KHDRBS2: variants seen among roughly 807,000 people sequenced by gnomAD.
KHDRBS2 encodes KH RNA binding domain containing, signal transduction associated 2, also known as KH domain-containing, RNA-binding, signal transduction-associated protein 2.
In KHDRBS2, 26 loss-of-function variants were observed where a neutral mutation model predicts 44.3. The ratio of observed to expected loss-of-function variants is 0.59; its 90% CI spans 0.43 to 0.81. KHDRBS2 has a LOEUF of 0.81. Ranked by LOEUF, KHDRBS2 falls within the 40% of genes least tolerant of loss-of-function variation. The pLI is 0.00. For missense variants in KHDRBS2, 476 were observed against 433.1 expected (o/e 1.10, Z -0.88); for synonymous variants, 194 against 151.1 (o/e 1.28, Z -2.08).
intron 2 of KHDRBS2, among the ~76,000 whole-genome samples, chr6:62,055,579 A>C (rs1245027954): frequency 6.6e-6 from 1 of 152,042 alleles, no homozygotes; most frequent in African/African-American, 2.4e-5. Flanking sequence ...TATATCATCC[A>C]GAGAAATCTT....
chr6:62,102,560 ATG>A (rs1378888743), intron 2 of KHDRBS2, among the ~76,000 whole-genome samples: 3 of 152,292 alleles, frequency 2.0e-5, no homozygotes, highest in South Asian at 2.1e-4. Flanking sequence ...GTGGCAGGAA[ATG>A]TGTGTTTCGG....
chr6:61,569,928 G>A, the KHDRBS2 span, among the ~76,000 whole-genome samples: 1 of 152,080 alleles, frequency 6.6e-6, no homozygotes, highest in African/African-American at 2.4e-5. Flanking sequence ...ATGAACAGCA[G>A]GCCTTGAGTT....
the KHDRBS2 span, among the ~76,000 whole-genome samples, chr6:61,627,860 A>C: frequency 6.6e-6 from 1 of 152,142 alleles, no homozygotes; most frequent in African/African-American, 2.4e-5. Flanking sequence ...AAGTTGTTCT[A>C]GTGAATTTTC....
chr6:62,253,084 T>C (rs1212428658), intron 1 of KHDRBS2, among the ~76,000 whole-genome samples: 2 of 152,052 alleles, frequency 1.3e-5, no homozygotes, highest in African/African-American at 2.4e-5. Context: ...AAACAGCATA[T>C]ACAACATTAT....
the KHDRBS2 span, among the ~76,000 whole-genome samples, chr6:61,545,576 C>A: frequency 2.8e-4 from 42 of 151,060 alleles, no homozygotes; most frequent in Non-Finnish European, 4.1e-4. Context: ...ACACATACAT[C>A]AATTCATGCT....
At position 62,116,889 on chromosome 6, in the gene KHDRBS2, T is replaced by C. The variant is rs115322732; in HGVS notation, c.219+60296A>G. Among the ~76,000 whole-genome samples the C allele has an allele frequency of 2.0e-3, 311 of 152,302 alleles. 2 individuals carry two copies. Among genetic ancestry groups the C allele is most frequent in the African/African-American group, 7.2e-3 (298 of 41,566 alleles). On this transcript the variant is annotated intron_variant, in intron 2 of 8. Transcript: ENST00000281156. ...ATTAGTCTTTCCATGCCTGGCTTTT[T>C]TCACTTAATATAATGACCTCCAGTG... is the stretch of plus-strand genomic sequence containing the variant.
intron 2 of KHDRBS2, among the ~76,000 whole-genome samples, chr6:62,050,801 C>A (rs1370282672): frequency 6.6e-6 from 1 of 151,876 alleles, no homozygotes; most frequent in Non-Finnish European, 1.5e-5. Flanking sequence ...GTATTTATCC[C>A]AGGGAATTAA....
chr6:61,716,501 C>A lies in KHDRBS2; in HGVS notation c.893+16181G>T, dbSNP rs191044635. On this transcript the variant is annotated intron_variant, in intron 7 of 8. Transcript: ENST00000281156. ...GATGCAGGAATAGTAACTGGAAAAT[C>A]TAGACTTCCAGCTCTTCTTGGGGAG... Among the ~76,000 whole-genome samples the A allele has an allele frequency of 1.0e-3, 157 of 152,126 alleles. 1 individual carries two copies. The highest frequency in any genetic ancestry group is 3.5e-3 in the African/African-American group (145 of 41,534).
chr6:61,959,295 T>C (rs1768115955), intron 4 of KHDRBS2, among the ~76,000 whole-genome samples: 1 of 152,156 alleles, frequency 6.6e-6, no homozygotes, highest in Non-Finnish European at 1.5e-5. Flanking sequence ...GTAAATCAAG[T>C]CTGGTAGCTC....
chr6:61,834,764 T>C (rs1229047005), intron 6 of KHDRBS2, among the ~76,000 whole-genome samples: 4 of 152,020 alleles, frequency 2.6e-5, no homozygotes, highest in Admixed American at 2.6e-4. Flanking sequence ...TAAATCTTAA[T>C]GCATAGGAGT....
At position 62,038,113 on chromosome 6, in the gene KHDRBS2, G is replaced by A. The variant is rs187012408; in HGVS notation, c.336+9765C>T. 2.3e-4 allele frequency among the ~76,000 whole-genome samples: 35 copies of A among 151,968 alleles called. 1 individual carries two copies. The highest frequency in any genetic ancestry group is 6.8e-4 in the African/African-American group (28 of 41,480). ...GAAATGCCTCGTGATCAGCATCCCCGGAAGTGCATAAAACACTGTCCTGCT... is the reference window on the plus strand; with the variant it reads ...GAAATGCCTCGTGATCAGCATCCCCAGAAGTGCATAAAACACTGTCCTGCT... On this transcript the variant is annotated intron_variant, in intron 3 of 8. Coordinates refer to ENST00000281156, the MANE Select transcript of KHDRBS2 (RefSeq NM_152688.4).
At chr6:61,707,924 A>T (rs547486956) in intron 7 of KHDRBS2, among the ~76,000 whole-genome samples, 2 of 151,796 alleles carry the variant, frequency 1.3e-5, no homozygotes, top group Admixed American at 6.6e-5. Flanking sequence ...ATTCTTAAAC[A>T]ATCTCTTTTT....
chr6:62,135,000 T>A (rs145619012), intron 2 of KHDRBS2, among the ~76,000 whole-genome samples: 1 of 152,050 alleles, frequency 6.6e-6, no homozygotes, highest in Non-Finnish European at 1.5e-5. Flanking sequence ...CTGAAATGAG[T>A]TGAGACTTTG....
At chr6:61,686,352 C>T (rs1356509327) in intron 8 of KHDRBS2, among the ~76,000 whole-genome samples, 6 of 151,708 alleles carry the variant, frequency 4.0e-5, no homozygotes, top group Non-Finnish European at 8.8e-5. Flanking sequence ...AAAATTCATC[C>T]TGGCTTTGAG....
intron 2 of KHDRBS2, among the ~76,000 whole-genome samples, chr6:62,069,483 T>A (rs886455367): frequency 3.3e-5 from 5 of 151,732 alleles, no homozygotes; most frequent in African/African-American, 1.2e-4. Flanking sequence ...GACTTTGCTT[T>A]GCTTTCTGAG....
At chr6:61,550,142 G>T in the KHDRBS2 span, among the ~76,000 whole-genome samples, 4 of 152,044 alleles carry the variant, frequency 2.6e-5, no homozygotes, top group African/African-American at 9.7e-5. Flanking sequence ...AGATTATTTT[G>T]TCACCCAGGT....
At chr6:62,102,633 G>T (rs1046248695) in intron 2 of KHDRBS2, among the ~76,000 whole-genome samples, 1 of 152,144 alleles carries the variant, frequency 6.6e-6, no homozygotes, top group Non-Finnish European at 1.5e-5. Flanking sequence ...CTCCTGGGCT[G>T]GCCTGGCCCT....
chr6:62,193,665 C>A (rs1442683567), intron 1 of KHDRBS2, among the ~76,000 whole-genome samples: 1 of 151,982 alleles, frequency 6.6e-6, no homozygotes, highest in Non-Finnish European at 1.5e-5. Flanking sequence ...AAATGTTTTC[C>A]AAAGTTACTG....
At chr6:62,181,983 A>T (rs1822407014) in intron 1 of KHDRBS2, among the ~76,000 whole-genome samples, 1 of 152,008 alleles carries the variant, frequency 6.6e-6, no homozygotes, top group South Asian at 2.1e-4. Flanking sequence ...GCTATGATAA[A>T]TAAATGAGTA....
Sources: allele counts gnomAD v4.1 joint callset (sites outside exome capture counted in the v4.1 genomes callset), GRCh38; gene constraint gnomAD v4.1.1; transcripts MANE v1.5; gene names NCBI Gene and HGNC (gene_info 2026-07-23, HGNC 2026-07-21).